PCDHGB2: variants seen among roughly 807,000 people sequenced by gnomAD.
PCDHGB2 encodes the protein protocadherin gamma subfamily B, 2.
In PCDHGB2, 55 loss-of-function variants were observed where a neutral mutation model predicts 59.3. The ratio of observed to expected loss-of-function variants is 0.93; its 90% CI spans 0.75 to 1.16. PCDHGB2 has a LOEUF of 1.16. PCDHGB2 is among the 50% of genes most tolerant of loss of function. PCDHGB2 has a pLI of 0.00. For missense variants in PCDHGB2, 1,228 were observed against 1,198.5 expected (o/e 1.02, Z -0.36); for synonymous variants, 516 against 512.0 (o/e 1.01, Z -0.11).
rs773127033 is a variant in PCDHGB2 at position 141,365,541 on chromosome 5, T to C, written c.2421+2985T>C. On this transcript the variant is annotated intron_variant, in intron 1 of 3. Transcript: ENST00000522605. Reference sequence around the variant, plus strand: ...AAGTCAGTTGATAATTACTATCACCTATTAACAACTAGGGACCTGGACAGA... The same window carrying C: ...AAGTCAGTTGATAATTACTATCACCCATTAACAACTAGGGACCTGGACAGA... 3 of 1,613,728 alleles carry C rather than the reference T, an allele frequency of 1.9e-6. No individual in the cohort carries two copies. In the African/African-American group the frequency reaches 4.0e-5, roughly 22 times the overall value.
At chr5:141,423,033 C>A (rs2096701827) in intron 1 of PCDHGB2, 2 of 1,614,102 alleles carry the variant, frequency 1.2e-6, no homozygotes, top group Non-Finnish European at 1.7e-6. Flanking sequence ...CAGGCCAGAA[C>A]GCCTGGCTGT....
intron 1 of PCDHGB2, chr5:141,441,894 G>T: frequency 2.9e-6 from 1 of 347,862 alleles, no homozygotes; most frequent in Non-Finnish European, 5.6e-6. Context: ...CCAAGGTGGT[G>T]GCTGTAGACG....
rs1362496624 is a variant in PCDHGB2, at chr5:141,432,370, C to T, written c.2422-62437C>T. On this transcript the variant is annotated intron_variant, in intron 1 of 3. Coordinates refer to ENST00000522605, the MANE Select transcript of PCDHGB2 (RefSeq NM_018923.3). This position sits in a 1 kb window ranked among gnomAD's most constrained non-coding sequence, Gnocchi z 6.0. ...AAGTGAAAGTGATGGCGCGGGACAA[C>T]GGGCACCCGCCCCTCAGCAGCAACG... The T allele has an allele frequency of 6.2e-7, 1 of 1,614,240 alleles. No individual in the cohort carries two copies. Among genetic ancestry groups the T allele is most frequent in the Non-Finnish European group, 8.5e-7 (1 of 1,180,048 alleles).
chr5:141,467,084 A>T, intron 1 of PCDHGB2, among the ~76,000 whole-genome samples: 1 of 142,674 alleles, frequency 7.0e-6, no homozygotes, highest in African/African-American at 2.6e-5. Context: ...ACCAAGTCTC[A>T]CTCTGTCACA....
chr5:141,371,438 C>T (rs1441229232), intron 1 of PCDHGB2: 3 of 1,613,764 alleles, frequency 1.9e-6, no homozygotes, highest in African/African-American at 1.3e-5. Flanking sequence ...CGGAGATAAC[C>T]CTGGCTTCTG....
chr5:141,408,846 TGGACGGA>T, intron 1 of PCDHGB2: 1 of 1,613,698 alleles, frequency 6.2e-7, no homozygotes, highest in Non-Finnish European at 8.5e-7. Flanking sequence ...TTGACTGCCT[TGGACGGA>T]GGGGACCCAC....
chr5:141,404,347 C>A (rs1451476815), intron 1 of PCDHGB2: 2 of 1,613,916 alleles, frequency 1.2e-6, no homozygotes, highest in Non-Finnish European at 1.7e-6. Context: ...CGGAAAACAA[C>A]GCCAGAGGTA....
At position 141,431,119 on chromosome 5, in the gene PCDHGB2, A is replaced by C. The variant is rs147514897; in HGVS notation, c.2422-63688A>C. 1.2e-6 allele frequency: 2 copies of C among 1,614,134 alleles called. No individual in the cohort carries two copies. The highest frequency in any genetic ancestry group is 2.7e-5 in the African/African-American group (2 of 74,956). ...ATAAAGTGAAAATATATGGAGTAGA[A>C]GTAGAAGTAAGGGACATTAACGACA... On this transcript the variant is annotated intron_variant, in intron 1 of 3. Coordinates refer to ENST00000522605, the MANE Select transcript of PCDHGB2 (RefSeq NM_018923.3). The surrounding 1 kb of genome is among the most constrained non-coding windows in gnomAD (Gnocchi z 4.8).
intron 1 of PCDHGB2, chr5:141,408,464 A>C (rs764186219): frequency 6.2e-7 from 1 of 1,613,934 alleles, no homozygotes; most frequent in South Asian, 1.1e-5. Context: ...ACTTGTGAAG[A>C]ACCGAATAGA....
chr5:141,422,422 T>TA, intron 1 of PCDHGB2: 1 of 1,607,804 alleles, frequency 6.2e-7, no homozygotes, highest in Non-Finnish European at 8.5e-7. Flanking sequence ...AGAAAAGACT[T>TA]ATGGAAATTA....
At chr5:141,417,993 C>A in intron 1 of PCDHGB2, 1 of 1,613,830 alleles carries the variant, frequency 6.2e-7, no homozygotes, top group Non-Finnish European at 8.5e-7. Flanking sequence ...GCCAAGGGCT[C>A]GGTGGTGGGG....
intron 1 of PCDHGB2, chr5:141,403,391 G>GT (rs2154533404): frequency 1.2e-6 from 2 of 1,614,046 alleles, no homozygotes; most frequent in Admixed American, 3.3e-5. Flanking sequence ...CGAAATCGCG[G>GT]TTCCTGGAGC....
chr5:141,362,333 C>G lies in PCDHGB2; in HGVS notation c.2198C>G (p.Ser733Cys). The change falls in exon 1 of 4, where the codon TCC (serine) becomes TGC (cysteine). Residue 733 changes from serine to cysteine, a missense_variant. Physicochemically the swap from Ser to Cys is moderately radical, Grantham distance 112 (BLOSUM62 -1). Coordinates refer to ENST00000522605, the MANE Select transcript of PCDHGB2 (RefSeq NM_018923.3). ...AWDCFQPGLS[S>C]KPGPGVLPNY... ...GACTGTTTTCAGCCTGGTCTCAGCT[C>G]CAAGCCTGGACCTGGGGTTCTCCCC... 1 of 1,614,070 alleles carries G rather than the reference C, an allele frequency of 6.2e-7. No individual in the cohort carries two copies. Among genetic ancestry groups the G allele is most frequent in the Non-Finnish European group, 8.5e-7 (1 of 1,179,906 alleles).
intron 1 of PCDHGB2, among the ~76,000 whole-genome samples, chr5:141,454,170 G>A (rs2098782662): frequency 6.6e-6 from 1 of 152,162 alleles, no homozygotes; most frequent in Admixed American, 6.5e-5. Context: ...TCTCTAGAAG[G>A]GCAGCTAAAG....
At chr5:141,422,862 C>T in intron 1 of PCDHGB2, 1 of 1,614,270 alleles carries the variant, frequency 6.2e-7, no homozygotes, top group Non-Finnish European at 8.5e-7. Flanking sequence ...CCCTCAGCAG[C>T]AACGTGTCGC....
chr5:141,471,646 G>C (rs935284198), intron 1 of PCDHGB2: 1 of 152,108 alleles, frequency 6.6e-6, no homozygotes, highest in Non-Finnish European at 1.5e-5. Flanking sequence ...GTAATATACT[G>C]GATGTGGGGA....
intron 1 of PCDHGB2, chr5:141,400,610 T>C (rs1561677991): frequency 3.2e-6 from 5 of 1,573,090 alleles, no homozygotes; most frequent in Non-Finnish European, 4.4e-6. Flanking sequence ...TCAAGTCCAA[T>C]GAGTTGTCTT....
In PCDHGB2 at chr5:141,420,182, C is replaced by G. The variant is rs375716662; in HGVS notation, c.2421+57626C>G. The G allele has an allele frequency of 3.7e-6, 6 of 1,613,694 alleles. No individual in the cohort carries two copies. In the African/African-American group the frequency reaches 8.0e-5, roughly 22 times the overall value. Reference sequence around the variant, plus strand: ...TTTTTTCACATCTGTTGATCATTGTCCAGCCACACAAGATAACCTCAACAA... The same window carrying G: ...TTTTTTCACATCTGTTGATCATTGTGCAGCCACACAAGATAACCTCAACAA... On this transcript the variant is annotated intron_variant, in intron 1 of 3. Transcript: ENST00000522605.
At chr5:141,394,868 C>T in intron 1 of PCDHGB2, 1 of 1,613,828 alleles carries the variant, frequency 6.2e-7, no homozygotes, top group Non-Finnish European at 8.5e-7. Flanking sequence ...TCGACCCGAA[C>T]GATTCGAGCC....
Sources: allele counts gnomAD v4.1 joint callset (sites outside exome capture counted in the v4.1 genomes callset), GRCh38; gene constraint gnomAD v4.1.1; non-coding constraint Gnocchi (gnomAD v3.1); transcripts MANE v1.5; gene names NCBI Gene and HGNC (gene_info 2026-07-23, HGNC 2026-07-21).